Variants in PDZRN3 observed in about 807,000 individuals in gnomAD.
The protein encoded by PDZRN3 is PDZ domain containing ring finger 3, also known as E3 ubiquitin-protein ligase PDZRN3.
A neutral mutation model predicts 85.7 loss-of-function variants in PDZRN3; 38 were observed. The ratio of observed to expected loss-of-function variants is 0.44; its 90% CI spans 0.34 to 0.58. PDZRN3 has a LOEUF of 0.58. Ranked by LOEUF, PDZRN3 falls within the 20% of genes least tolerant of loss-of-function variation. The pLI, the probability that PDZRN3 is intolerant of heterozygous loss-of-function variation, is 0.01. For synonymous variants in PDZRN3, 759 were observed against 638.0 expected (o/e 1.19, Z -2.86); for missense variants, 1,629 against 1,506.4 (o/e 1.08, Z -1.35).
At chr3:73,602,870 C>T (rs1007295100) in intron 2 of PDZRN3, among the ~76,000 whole-genome samples, 1 of 152,218 alleles carries the variant, frequency 6.6e-6, no homozygotes, top group African/African-American at 2.4e-5. Flanking sequence ...TGAAGATCTT[C>T]TGCTACCAAT....
intron 6 of PDZRN3, 61 bp downstream of exon 6, chr3:73,390,957 G>A (rs1172562007): frequency 8.9e-6 from 8 of 901,468 alleles, no homozygotes; most frequent in African/African-American, 1.8e-5. Context: ...TGGTGAACAT[G>A]AAAAAAAAAA....
intron 3 of PDZRN3, among the ~76,000 whole-genome samples, chr3:73,500,896 G>A (rs1703965022): frequency 6.6e-6 from 1 of 152,056 alleles, no homozygotes; most frequent in Non-Finnish European, 1.5e-5. Flanking sequence ...CAACTCTTCT[G>A]CTCATGTTGA....
intron 3 of PDZRN3, among the ~76,000 whole-genome samples, chr3:73,442,513 A>C (rs1283095703): frequency 6.6e-6 from 1 of 152,216 alleles, no homozygotes; most frequent in Non-Finnish European, 1.5e-5. Flanking sequence ...CTAGAATAAC[A>C]CACTGGGAAA....
At chr3:73,385,812 C>T (rs772424866) in intron 8 of PDZRN3, 27 bp from the exon 9 acceptor site, 2 of 1,262,726 alleles carry the variant, frequency 1.6e-6, no homozygotes, top group Non-Finnish European at 2.3e-6. Flanking sequence ...CCAACACATG[C>T]CTTAGAAGTT....
In PDZRN3 at chr3:73,448,223, C is replaced by T. The variant is rs568470664; in HGVS notation, c.919-43828G>A. 7.2e-5 allele frequency among the ~76,000 whole-genome samples: 11 copies of T among 152,330 alleles called. No homozygotes were observed. The East Asian group carries it at 2.1e-3, about 29-fold the overall frequency. ...GCTTCTTTAGCACATGCCATTGTGA[C>T]CTGGCAAGATTCTTCCCAAGTCTTC... On this transcript the variant is annotated intron_variant, in intron 3 of 9. Transcript: ENST00000263666.
intron 3 of PDZRN3, among the ~76,000 whole-genome samples, chr3:73,533,865 C>T (rs1704717103): frequency 6.6e-6 from 1 of 152,124 alleles, no homozygotes; most frequent in South Asian, 2.1e-4. Flanking sequence ...GTGAGGTTAG[C>T]CTGACCACCC....
At chr3:73,448,589 T>C (rs964890048) in intron 3 of PDZRN3, among the ~76,000 whole-genome samples, 1 of 152,170 alleles carries the variant, frequency 6.6e-6, no homozygotes, top group Non-Finnish European at 1.5e-5. Context: ...ATCTCAATCT[T>C]GTTTTTTTTT....
intron 3 of PDZRN3, among the ~76,000 whole-genome samples, chr3:73,555,500 A>G (rs1375812392): frequency 1.3e-5 from 2 of 152,212 alleles, no homozygotes; most frequent in African/African-American, 4.8e-5. Flanking sequence ...TCCCACTGAC[A>G]TTTTGTTAAA....
intron 3 of PDZRN3, among the ~76,000 whole-genome samples, chr3:73,552,903 G>C (rs1332426559): frequency 1.3e-5 from 2 of 152,202 alleles, no homozygotes; most frequent in Non-Finnish European, 2.9e-5. Flanking sequence ...TGCAGCTTCA[G>C]CCTACTTGAG....
At position 73,624,522 on chromosome 3, in the gene PDZRN3, G is replaced by C; in HGVS notation, c.304C>G (p.Leu102Val). Residue 102 changes from leucine (L) to valine (V), a missense_variant, in exon 1 of 10, where the codon CTC becomes GTC. By Grantham distance (32) the Leu-to-Val change is conservative. Coordinates refer to ENST00000263666, the MANE Select transcript of PDZRN3 (RefSeq NM_015009.3). ...GCGGGCGCGAAGTCGCAGCGCTCGA[G>C]GTGCTCCGGCAGCTGCTGCAGCTTG... ...VVKLQQLPEH[L>V]ERCDFAPARC... The C allele has an allele frequency of 4.8e-6, 7 of 1,468,680 alleles. No individual in the cohort carries two copies. The South Asian group carries it at 9.4e-5, about 20-fold the overall frequency. 91.0% of individuals were successfully genotyped at this position (1,468,680 alleles called of 1,614,324 possible).
intron 3 of PDZRN3, among the ~76,000 whole-genome samples, chr3:73,597,111 T>C (rs1217209797): frequency 6.6e-6 from 1 of 152,208 alleles, no homozygotes; most frequent in Non-Finnish European, 1.5e-5. Flanking sequence ...TCTATTACTT[T>C]ATTTTTAAAT....
At chr3:73,508,281 T>C (rs570771722) in intron 3 of PDZRN3, among the ~76,000 whole-genome samples, 81 of 152,178 alleles carry the variant, frequency 5.3e-4, no homozygotes, top group Non-Finnish European at 1.0e-3. Flanking sequence ...CTCAGCAAAG[T>C]AATTTTCAAG....
intron 3 of PDZRN3, among the ~76,000 whole-genome samples, chr3:73,450,980 T>C (rs1168688646): frequency 6.6e-6 from 1 of 151,704 alleles, no homozygotes; most frequent in African/African-American, 2.4e-5. Flanking sequence ...CCCACCTCTA[T>C]TTGGAGTTTT....
chr3:73,501,418 T>TC (rs1703975602), intron 3 of PDZRN3, among the ~76,000 whole-genome samples: 1 of 152,100 alleles, frequency 6.6e-6, no homozygotes, highest in African/African-American at 2.4e-5. Flanking sequence ...ACAGGGCACA[T>TC]CCATCCCATC....
chr3:73,461,600 G>A (rs923823242), intron 3 of PDZRN3, among the ~76,000 whole-genome samples: 11 of 152,208 alleles, frequency 7.2e-5, no homozygotes, highest in African/African-American at 2.7e-4. Context: ...AAGTTCCTAA[G>A]ATAATCTGGA....
At chr3:73,456,213 T>C (rs201916890) in intron 3 of PDZRN3, among the ~76,000 whole-genome samples, 8 of 127,048 alleles carry the variant, frequency 6.3e-5, no homozygotes, top group South Asian at 2.6e-4. Context: ...TGTGTGTGTG[T>C]GTGCGCGCGT....
intron 9 of PDZRN3, 97 bp from the exon 10 acceptor site, chr3:73,385,027 T>A (rs1701336456): frequency 1.4e-6 from 2 of 1,414,728 alleles, no homozygotes; most frequent in South Asian, 2.8e-5. Context: ...TAGGGCAGGC[T>A]GTACATTTCT....
At chr3:73,507,318 G>A (rs987919386) in intron 3 of PDZRN3, among the ~76,000 whole-genome samples, 2 of 152,152 alleles carry the variant, frequency 1.3e-5, no homozygotes, top group Non-Finnish European at 2.9e-5. Flanking sequence ...ACAGGCACCT[G>A]CCACCATATG....
intron 3 of PDZRN3, among the ~76,000 whole-genome samples, chr3:73,504,228 T>C (rs954572883): frequency 2.0e-5 from 3 of 152,218 alleles, no homozygotes; most frequent in African/African-American, 7.2e-5. Context: ...TAGCATGTGG[T>C]GTAACAAATG....
Sources: gnomAD v4.1 joint callset for allele counts (sites outside exome capture counted in the v4.1 genomes callset) on GRCh38, gnomAD v4.1.1 for gene constraint, MANE v1.5 for transcripts, NCBI Gene and HGNC (gene_info 2026-07-23, HGNC 2026-07-21) for gene names.